Variants in KDM8 observed in about 807,000 individuals in gnomAD.
The protein encoded by KDM8 is bifunctional peptidase and arginyl-hydroxylase JMJD5.
A neutral mutation model predicts 46.9 loss-of-function variants in KDM8; 35 were observed. The ratio of observed to expected loss-of-function variants is 0.75; its 90% CI spans 0.57 to 0.99. The LOEUF is 0.99. KDM8 is among the 50% of genes least tolerant of loss of function. The pLI, the probability that KDM8 is intolerant of heterozygous loss-of-function variation, is 0.00. For missense variants in KDM8, 475 were observed against 537.0 expected (o/e 0.88, Z 1.14); for synonymous variants, 232 against 227.7 (o/e 1.02, Z -0.17).
Position 27,214,865 on chromosome 16 carries a change from C to G in KDM8, c.666-11C>G. 1 of 1,613,936 alleles carries G rather than the reference C, an allele frequency of 6.2e-7. No homozygotes were observed. The highest frequency in any genetic ancestry group is 2.2e-5 in the East Asian group (1 of 44,892). ...TAGCAGTGACGATGCCAATGTGTGT[C>G]TTTCTGCTAGTTTGGAGTATATCCA... is the stretch of plus-strand genomic sequence containing the variant. On this transcript the variant is annotated splice_polypyrimidine_tract_variant and intron_variant, in intron 3 of 7. Transcript: ENST00000286096.
chr16:27,219,135 G>A, intron 6 of KDM8, 25 bp downstream of exon 6: 2 of 1,584,074 alleles, frequency 1.3e-6, no homozygotes, highest in African/African-American at 1.3e-5. Flanking sequence ...TGGAATAGTG[G>A]CCTTCTAACT....
chr16:27,208,330 C>T (rs2083446532), intron 1 of KDM8, among the ~76,000 whole-genome samples: 1 of 151,810 alleles, frequency 6.6e-6, no homozygotes, highest in South Asian at 2.1e-4. Context: ...CGTGAGGCCA[C>T]CTTGAGAAGC....
At chr16:27,220,296 C>T in intron 6 of KDM8, 97 bp from the exon 7 acceptor site, 1 of 973,232 alleles carries the variant, frequency 1.0e-6, no homozygotes, top group African/African-American at 1.6e-5. Context: ...CAGGCTGGGC[C>T]CAGGGAGCAG....
At chr16:27,216,735 C>T (rs1394004241) in intron 5 of KDM8, among the ~76,000 whole-genome samples, 1 of 152,158 alleles carries the variant, frequency 6.6e-6, no homozygotes, top group Non-Finnish European at 1.5e-5. Context: ...TTTCTCTTCC[C>T]CAGGCCTCCC....
chr16:27,209,809 G>T (rs1033825013), intron 1 of KDM8, among the ~76,000 whole-genome samples: 2 of 152,348 alleles, frequency 1.3e-5, no homozygotes, highest in East Asian at 1.9e-4. Context: ...GTAGGAGTTT[G>T]CCAGGCAGCG....
intron 1 of KDM8, among the ~76,000 whole-genome samples, chr16:27,208,580 A>C (rs1401143076): frequency 6.6e-6 from 1 of 152,156 alleles, no homozygotes; most frequent in Non-Finnish European, 1.5e-5. Context: ...AGGCCTTTCC[A>C]CTGGCCTTTA....
At chr16:27,203,907 G>C in intron 1 of KDM8, 1 of 504,092 alleles carries the variant, frequency 2.0e-6, no homozygotes, top group South Asian at 2.8e-5. Flanking sequence ...GCGCATGCGT[G>C]AGGGCAGGCC....
In KDM8 at chr16:27,218,967, G is replaced by A. The variant is rs761443712; in HGVS notation, c.850G>A (p.Glu284Lys). 3 of 1,614,100 alleles carry A rather than the reference G, an allele frequency of 1.9e-6. No homozygotes were observed. In the South Asian group the frequency reaches 3.3e-5, roughly 18 times the overall value. ...AQHQLFDQIP[E>K]LKQDISIPDY... ...TCTGCTCTGCCGCCCACAGATCCCG[G>A]AGTTGAAGCAGGACATCAGCATCCC... Residue 284 changes from glutamate (E) to lysine (K), a missense_variant, in exon 6 of 8, where the codon GAG (glutamate) becomes AAG (lysine). By Grantham distance (56) the Glu-to-Lys change is moderately conservative. Transcript: ENST00000286096.
chr16:27,203,772 C>A, intron 1 of KDM8, 136 bp downstream of exon 1: 1 of 322,898 alleles, frequency 3.1e-6, no homozygotes, highest in South Asian at 5.5e-5. Context: ...TGGAAAACCC[C>A]GAGGGTGGCT....
In KDM8 at chr16:27,213,738, A is replaced by C. The variant is rs1023278703; in HGVS notation, c.652A>C (p.Met218Leu). 1 of 1,614,174 alleles carries C rather than the reference A, an allele frequency of 6.2e-7. No homozygotes were observed. Among genetic ancestry groups the C allele is most frequent in the Non-Finnish European group, 8.5e-7 (1 of 1,180,020 alleles). The change falls in exon 3 of 8, where the codon ATG becomes CTG. Residue 218 changes from methionine (M) to leucine (L), a missense_variant. Coordinates refer to ENST00000286096, the MANE Select transcript of KDM8 (RefSeq NM_024773.3). Reference protein sequence around the residue: ...LKGVADHWPCMQKWSLEYIQE... With the variant: ...LKGVADHWPCLQKWSLEYIQE... ...AGGCGTGGCTGACCACTGGCCGTGC[A>C]TGCAGAAGTGGAGGTGGGTGGTCGC...
At chr16:27,219,237 C>A in intron 6 of KDM8, 127 bp downstream of exon 6, 271 of 1,006,516 alleles carry the variant, frequency 2.7e-4, no homozygotes, top group East Asian at 5.7e-4. Flanking sequence ...GGGATGAGGA[C>A]AAAAATATAA....
intron 5 of KDM8, among the ~76,000 whole-genome samples, chr16:27,218,546 A>C (rs2083579779): frequency 6.6e-6 from 1 of 152,186 alleles, no homozygotes; most frequent in African/African-American, 2.4e-5. Flanking sequence ...GGCTTTTAAA[A>C]CTAGGACGGC....
rs77656173 is a variant in KDM8, at chr16:27,221,243, C to T, written c.*513C>T. 0.011 allele frequency: 3,063 copies of T among 277,708 alleles called. 92 individuals carry two copies. The highest frequency in any genetic ancestry group is 0.061 in the African/African-American group (2,810 of 45,884). The allele number at this position is 277,708 out of a possible 1,614,324, so 17.2% of individuals were successfully genotyped here. ...CCCCTGCTGCTGCATGAACCTTAGC[C>T]GCTGTCACTGATCCCAATTACTCTG... On this transcript the variant is annotated 3_prime_UTR_variant, in exon 8 of 8. Coordinates refer to ENST00000286096, the MANE Select transcript of KDM8 (RefSeq NM_024773.3).
intron 2 of KDM8, chr16:27,213,243 G>A: frequency 4.8e-6 from 1 of 209,804 alleles, no homozygotes; most frequent in Non-Finnish European, 9.6e-6. Flanking sequence ...GTGTGTGTGT[G>A]TGTGTGTGTG....
At chr16:27,209,010 A>G (rs1453279637) in intron 1 of KDM8, among the ~76,000 whole-genome samples, 2 of 152,242 alleles carry the variant, frequency 1.3e-5, no homozygotes, top group Non-Finnish European at 2.9e-5. Flanking sequence ...CTGGGCAGAC[A>G]CTGCCACTTA....
At chr16:27,214,633 C>A in intron 3 of KDM8, 1 of 472,290 alleles carries the variant, frequency 2.1e-6, no homozygotes, top group South Asian at 3.2e-5. Flanking sequence ...TAGAGCAGCC[C>A]AGCCAACCAG....
Position 27,210,475 on chromosome 16 carries a change from G to A in KDM8, c.352G>A (p.Ala118Thr), listed in dbSNP as rs150366923. Residue 118 changes from alanine (A) to threonine (T), a missense_variant, in exon 2 of 8, where the codon GCA becomes ACA. Coordinates refer to ENST00000286096, the MANE Select transcript of KDM8 (RefSeq NM_024773.3). ...ACCTGAGGATGCCAACACTGTGGCC[G>A]CAGCCCTGCGGGTCTGTGACATGGG... ...QAPEDANTVA[A>T]ALRVCDMGLL... is the part of the protein sequence containing the mutation. 114 of 1,584,970 alleles carry A rather than the reference G, an allele frequency of 7.2e-5. 1 individual carries two copies. In the East Asian group the frequency reaches 9.9e-4, roughly 14 times the overall value.
chr16:27,204,008 T>A, intron 1 of KDM8: 5 of 1,162,032 alleles, frequency 4.3e-6, no homozygotes, highest in Non-Finnish European at 6.2e-6. Flanking sequence ...CTCTGCTATA[T>A]GTGTGTCCGC....
At position 27,221,210 on chromosome 16, in the gene KDM8, G is replaced by A; in HGVS notation, c.*480G>A. On this transcript the variant is annotated 3_prime_UTR_variant, in exon 8 of 8. Coordinates refer to ENST00000286096, the MANE Select transcript of KDM8 (RefSeq NM_024773.3). ...CTCACTGCCGAGGGCCGAGAAGGCGGTGCCGAGCCCCTGCTGCTGCATGAA... is the reference window on the plus strand; with the variant it reads ...CTCACTGCCGAGGGCCGAGAAGGCGATGCCGAGCCCCTGCTGCTGCATGAA... 6.9e-6 allele frequency: 2 copies of A among 290,450 alleles called. No homozygotes were observed. Among genetic ancestry groups the A allele is most frequent in the Non-Finnish European group, 1.4e-5 (2 of 146,468 alleles). 18.0% of individuals were successfully genotyped at this position (290,450 alleles called of 1,614,324 possible). A position where few individuals can be genotyped will look rare whatever the true frequency, so the allele number is the denominator to read the frequency against.
Sources: allele counts gnomAD v4.1 joint callset (sites outside exome capture counted in the v4.1 genomes callset), GRCh38; gene constraint gnomAD v4.1.1; transcripts MANE v1.5; gene names NCBI Gene and HGNC (gene_info 2026-07-23, HGNC 2026-07-21).